The following HPSE2 variants were observed in gnomAD, a reference collection of about 807,000 sequenced individuals.
The protein encoded by HPSE2 is heparanase 2 (inactive).
A neutral mutation model predicts 60.5 loss-of-function variants in HPSE2; 38 were observed. That is an observed-to-expected ratio of 0.63 (90% CI 0.48 to 0.82). The LOEUF (loss-of-function observed/expected upper bound fraction) is 0.82, where lower values mean the gene tolerates loss of function less well. Among genes scored for constraint, HPSE2 ranks in the 40% least tolerant of loss-of-function variants. The probability of loss-of-function intolerance (pLI) is 0.00; values close to 1 mark genes in which losing one functional copy is unlikely to be tolerated. For synonymous variants in HPSE2, 295 were observed against 293.2 expected (o/e 1.01, Z -0.06); for missense variants, 713 against 740.4 (o/e 0.96, Z 0.43).
chr10:98,906,111 C>T (rs972380049), intron 3 of HPSE2, among the ~76,000 whole-genome samples: 1 of 152,156 alleles, frequency 6.6e-6, no homozygotes, highest in African/African-American at 2.4e-5. Context: ...TCTGAAAGGC[C>T]ATCCCAGCTC....
chr10:99,158,768 T>C (rs185339475), intron 2 of HPSE2, among the ~76,000 whole-genome samples: 3 of 150,312 alleles, frequency 2.0e-5, no homozygotes, highest in African/African-American at 7.3e-5. Context: ...AGAAAACAAC[T>C]GAAAATAACA....
At chr10:98,751,201 A>G (rs79346080) in intron 3 of HPSE2, among the ~76,000 whole-genome samples, 2,740 of 152,172 alleles carry the variant, frequency 0.018, 104 homozygotes, top group African/African-American at 0.063. Context: ...CATTTTCTTC[A>G]TGTTTTGTAA....
intron 3 of HPSE2, among the ~76,000 whole-genome samples, chr10:99,014,310 A>T (rs1378815070): frequency 6.6e-6 from 1 of 152,216 alleles, no homozygotes; most frequent in Non-Finnish European, 1.5e-5. Flanking sequence ...TTATGGCTGC[A>T]TTCCATGGTG....
At chr10:99,308,387 A>AAAAAAAAAAAAAAAAAAAAAAAAAAAG in the HPSE2 span, among the ~76,000 whole-genome samples, 4 of 146,832 alleles carry the variant, frequency 2.7e-5, no homozygotes, top group Admixed American at 1.4e-4. Context: ...CTCAAAAAAA[A>AAAAAAAAAAAAAAAAAAAAAAAAAAAG]AAAAAAAAAG....
intron 9 of HPSE2, among the ~76,000 whole-genome samples, chr10:98,573,361 G>C (rs1564979685): frequency 6.6e-6 from 1 of 152,100 alleles, no homozygotes; most frequent in Non-Finnish European, 1.5e-5. Context: ...AGGCTTATTG[G>C]TAAGCCTGAC....
intron 3 of HPSE2, among the ~76,000 whole-genome samples, chr10:98,878,101 C>T (rs895070): frequency 0.48 from 73,065 of 151,688 alleles, 19,695 homozygotes; most frequent in Non-Finnish European, 0.61. Flanking sequence ...ACTTAAACAA[C>T]TGAAAACCTG....
At chr10:98,973,954 A>G (rs369218780) in intron 3 of HPSE2, among the ~76,000 whole-genome samples, 1 of 152,310 alleles carries the variant, frequency 6.6e-6, no homozygotes, top group South Asian at 2.1e-4. Context: ...ACACAGTGAC[A>G]AAAGAGGGGT....
chr10:98,984,630 A>C (rs1196618869), intron 3 of HPSE2, among the ~76,000 whole-genome samples: 5 of 152,214 alleles, frequency 3.3e-5, no homozygotes, highest in African/African-American at 7.2e-5. Context: ...CAATGGAACA[A>C]AGCTGGATGG....
At chr10:99,132,141 GAAAGGAA>G (rs1171535360) in intron 3 of HPSE2, among the ~76,000 whole-genome samples, 1 of 31,658 alleles carries the variant, frequency 3.2e-5, no homozygotes, top group African/African-American at 5.4e-5. Flanking sequence ...AGGAAAGAAA[GAAAGGAA>G]GAAAGAAAGA....
intron 3 of HPSE2, among the ~76,000 whole-genome samples, chr10:99,130,601 CTTGA>C (rs2135734482): frequency 6.6e-6 from 1 of 152,214 alleles, no homozygotes; most frequent in East Asian, 1.9e-4. Flanking sequence ...AAGGAAGGGG[CTTGA>C]TTAACTTTTA....
intron 5 of HPSE2, among the ~76,000 whole-genome samples, chr10:98,701,375 T>C (rs59261876): frequency 0.71 from 105,099 of 147,852 alleles, 39,374 homozygotes; most frequent in South Asian, 0.95. Context: ...TCATTCTCAG[T>C]AAACTATCGC....
At chr10:98,542,724 A>G (rs1589392344) in intron 9 of HPSE2, among the ~76,000 whole-genome samples, 2 of 151,134 alleles carry the variant, frequency 1.3e-5, no homozygotes, top group African/African-American at 4.8e-5. Flanking sequence ...AAGAAAGGGT[A>G]TCAGCGATGG....
intron 3 of HPSE2, among the ~76,000 whole-genome samples, chr10:98,950,578 C>T (rs779499416): frequency 6.6e-6 from 1 of 152,008 alleles, no homozygotes; most frequent in South Asian, 2.1e-4. Flanking sequence ...TGTCTCTGAC[C>T]ATCTCTGTGG....
At chr10:98,527,011 C>T (rs1395077867) in intron 9 of HPSE2, among the ~76,000 whole-genome samples, 2 of 152,108 alleles carry the variant, frequency 1.3e-5, no homozygotes, top group East Asian at 1.9e-4. Context: ...AATACTATCC[C>T]GGGTGTGCAT....
intron 3 of HPSE2, among the ~76,000 whole-genome samples, chr10:98,815,086 A>T (rs959943413): frequency 3.3e-5 from 5 of 152,186 alleles, no homozygotes; most frequent in Admixed American, 2.6e-4. Flanking sequence ...CAGGCAACAA[A>T]GGGAGACACC....
chr10:99,132,191 A>AGAGAG (rs1845434112), intron 3 of HPSE2, among the ~76,000 whole-genome samples: 1 of 71,902 alleles, frequency 1.4e-5, no homozygotes, highest in Admixed American at 1.8e-4. Flanking sequence ...GAAAGAAAGA[A>AGAGAG]AGAGAGAGAG....
chr10:99,184,823 G>C (rs1346035602), intron 2 of HPSE2, among the ~76,000 whole-genome samples: 350 of 28,526 alleles, frequency 0.012, 28 homozygotes, highest in East Asian at 0.048. Context: ...TATATATAGA[G>C]AGAGAGAGAG....
At chr10:98,851,299 A>G (rs1952168758) in intron 3 of HPSE2, among the ~76,000 whole-genome samples, 1 of 152,232 alleles carries the variant, frequency 6.6e-6, no homozygotes, top group South Asian at 2.1e-4. Context: ...TCTGAATTTT[A>G]GTGATGCTGT....
chr10:98,928,732 G>A (rs1346264169), intron 3 of HPSE2, among the ~76,000 whole-genome samples: 2 of 134,740 alleles, frequency 1.5e-5, no homozygotes, highest in Non-Finnish European at 1.5e-5. Context: ...GTAAACTATC[G>A]CAAGAACAAA....
Sources: allele counts gnomAD v4.1 joint callset (sites outside exome capture counted in the v4.1 genomes callset), GRCh38; gene constraint gnomAD v4.1.1; transcripts MANE v1.5; gene names NCBI Gene and HGNC (gene_info 2026-07-23, HGNC 2026-07-21).